PRSS12: variants seen among roughly 807,000 people sequenced by gnomAD.
The protein encoded by PRSS12 is serine protease 12, also known as neurotrypsin.
Under a neutral mutation model 104.4 loss-of-function variants are expected in PRSS12, and 85 were observed. That is an observed-to-expected ratio of 0.81 (90% CI 0.68 to 0.98). The LOEUF is 0.98. PRSS12 is among the 50% of genes least tolerant of loss of function. The pLI, the probability that PRSS12 is intolerant of heterozygous loss-of-function variation, is 0.00. For missense variants in PRSS12, 1,141 were observed against 1,139.2 expected (o/e 1.00, Z -0.02); for synonymous variants, 454 against 425.2 (o/e 1.07, Z -0.83).
At chr4:118,350,212 C>G (rs1560790200) in intron 1 of PRSS12, among the ~76,000 whole-genome samples, 3 of 152,172 alleles carry the variant, frequency 2.0e-5, no homozygotes, top group African/African-American at 7.2e-5. Flanking sequence ...AACCAAAGCT[C>G]TAAGAGTTAA....
chr4:118,333,513 A>T (rs1723978248), intron 3 of PRSS12, among the ~76,000 whole-genome samples: 2 of 152,226 alleles, frequency 1.3e-5, no homozygotes, highest in African/African-American at 4.8e-5. Flanking sequence ...TTGTTAATGG[A>T]TAAAGACAGG....
At chr4:118,301,773 C>A (rs901564801) in intron 8 of PRSS12, among the ~76,000 whole-genome samples, 1 of 152,142 alleles carries the variant, frequency 6.6e-6, no homozygotes. Context: ...ATCCCACAGG[C>A]AGACGATTGC....
chr4:118,338,302 A>T lies in PRSS12; in HGVS notation c.515T>A (p.Leu172His). Residue 172 changes from leucine (L) to histidine (H), a missense_variant, in exon 2 of 13, where the codon CTT becomes CAT. Leu to His is a moderately conservative substitution (Grantham distance 99). Transcript: ENST00000296498. ...YCDCRHGSVR[L>H]RGGKNEFEGT... ...TTCAAACTCATTTTTGCCGCCACGA[A>T]GTCGTACTGATCCTAAAGTGGAAAA... is the stretch of plus-strand genomic sequence containing the variant. 1.2e-6 allele frequency: 2 copies of T among 1,613,968 alleles called. No individual in the cohort carries two copies. Among genetic ancestry groups the T allele is most frequent in the Non-Finnish European group, 1.7e-6 (2 of 1,179,922 alleles).
chr4:118,352,904 G>C lies in PRSS12; in HGVS notation c.-184C>G. 1 of 1,395,656 alleles carries C rather than the reference G, an allele frequency of 7.2e-7. No homozygotes were observed. The highest frequency in any genetic ancestry group is 9.3e-7 in the Non-Finnish European group (1 of 1,075,834). 86.5% of individuals were successfully genotyped at this position (1,395,656 alleles called of 1,614,324 possible). ...CGCCGCTGGTGCCCTGCCGCGCCTC[G>C]GCTCCTGTCCCCTGGCGGCGGCCGC... On this transcript the variant is annotated 5_prime_UTR_variant, in exon 1 of 13. Transcript: ENST00000296498.
intron 4 of PRSS12, among the ~76,000 whole-genome samples, chr4:118,323,872 T>A (rs1256634875): frequency 6.6e-6 from 1 of 150,766 alleles, no homozygotes; most frequent in African/African-American, 2.4e-5. Context: ...TATATAAATA[T>A]GTGTGTGTGT....
At chr4:118,338,435 T>C in intron 1 of PRSS12, 121 bp from the exon 2 acceptor site, 1 of 1,246,550 alleles carries the variant, frequency 8.0e-7, no homozygotes, top group Non-Finnish European at 1.1e-6. Context: ...CAGAATGATT[T>C]AGCCTCCACT....
intron 4 of PRSS12, among the ~76,000 whole-genome samples, chr4:118,321,616 C>A (rs1723625915): frequency 6.6e-6 from 1 of 152,158 alleles, no homozygotes. Context: ...CCTCTTCTGG[C>A]ACGTTAAGGA....
At chr4:118,317,243 T>G (rs1368892674) in intron 5 of PRSS12, among the ~76,000 whole-genome samples, 1 of 152,188 alleles carries the variant, frequency 6.6e-6, no homozygotes, top group African/African-American at 2.4e-5. Flanking sequence ...ACTCAAATAA[T>G]AATTAATTTG....
Position 118,352,228 on chromosome 4 carries a change from A to G in PRSS12, c.493T>C (p.Cys165Arg). The change falls in exon 1 of 13, where the codon TGC (cysteine) becomes CGC (arginine). Residue 165 changes from cysteine to arginine, a missense_variant. Physicochemically the swap from Cys to Arg is radical, Grantham distance 180. Transcript: ENST00000296498. ...CCCCGAGGCCACTAACCGTGTCTGC[A>G]GTCGCAGTAGCCCCAGTCCACCTTG... ...RGKVDWGYCD[C>R]RHGSVRLRGG... 6.2e-7 allele frequency: 1 copy of G among 1,612,080 alleles called. No homozygotes were observed. The highest frequency in any genetic ancestry group is 8.5e-7 in the Non-Finnish European group (1 of 1,179,744).
At chr4:118,318,232 G>T in intron 5 of PRSS12, 146 bp downstream of exon 5, 1 of 789,312 alleles carries the variant, frequency 1.3e-6, no homozygotes. Flanking sequence ...TTTAATATAC[G>T]GTTTGCATTC....
chr4:118,352,610 G>A lies in PRSS12; in HGVS notation c.111C>T (p.Pro37=), dbSNP rs990973567. Residue 37 remains proline (P), a synonymous_variant, in exon 1 of 13, where the codon CCC becomes CCT. Coordinates refer to ENST00000296498, the MANE Select transcript of PRSS12 (RefSeq NM_003619.4). ...DSLHHSHRHS[P]PAGPHYPYYL... ...AATAGGGGTAGTGCGGACCCGCAGGGGGCGAATGGCGGTGGCTGTGGTGGA... is the reference window on the plus strand; with the variant it reads ...AATAGGGGTAGTGCGGACCCGCAGGAGGCGAATGGCGGTGGCTGTGGTGGA... The A allele has an allele frequency of 3.1e-6, 5 of 1,611,182 alleles. No homozygotes were observed. The highest frequency in any genetic ancestry group is 1.3e-5 in the African/African-American group (1 of 75,010).
intron 6 of PRSS12, among the ~76,000 whole-genome samples, chr4:118,315,386 C>T (rs1200902927): frequency 6.6e-6 from 1 of 152,120 alleles, no homozygotes; most frequent in Non-Finnish European, 1.5e-5. Context: ...ATATGTTTAA[C>T]ATGGCTTTGC....
At chr4:118,314,009 A>G (rs539727981) in intron 6 of PRSS12, among the ~76,000 whole-genome samples, 8 of 152,208 alleles carry the variant, frequency 5.3e-5, no homozygotes, top group Non-Finnish European at 8.8e-5. Context: ...CACTACAGAA[A>G]CAAAACCTAA....
chr4:118,342,670 G>A (rs1244953072), intron 1 of PRSS12, among the ~76,000 whole-genome samples: 1 of 152,142 alleles, frequency 6.6e-6, no homozygotes. Flanking sequence ...TGCAGTGGAG[G>A]CCCCAGAGTT....
intron 5 of PRSS12, among the ~76,000 whole-genome samples, chr4:118,317,477 T>G (rs1723475960): frequency 6.6e-6 from 1 of 152,180 alleles, no homozygotes. Flanking sequence ...TTTTACTGTC[T>G]GCAAAGCATT....
intron 9 of PRSS12, among the ~76,000 whole-genome samples, chr4:118,297,339 G>T (rs1743276409): frequency 6.6e-6 from 1 of 152,004 alleles, no homozygotes; most frequent in Non-Finnish European, 1.5e-5. Flanking sequence ...TGTTTTTTAT[G>T]TTTTTCAACT....
chr4:118,351,071 G>A (rs1035626531), intron 1 of PRSS12, among the ~76,000 whole-genome samples: 2 of 152,018 alleles, frequency 1.3e-5, no homozygotes, highest in South Asian at 2.1e-4. Context: ...TCATTCCCGA[G>A]GATAAAGGAT....
At position 118,282,050 on chromosome 4, in the gene PRSS12, C is replaced by T; in HGVS notation, c.2514G>A (p.Trp838Ter). The T allele has an allele frequency of 6.2e-7, 1 of 1,614,176 alleles. No homozygotes were observed. Residue 838 changes from tryptophan (W) to a stop codon, truncating the protein, a stop_gained, in exon 13 of 13, where the codon TGG (tryptophan) becomes TGA (stop). Transcript: ENST00000296498. LOFTEE classifies it high-confidence loss of function. ...PLMCERPGES[W>*]VVYGVTSWGY... Reference sequence around the variant, plus strand: ...CCCAGGAGGTCACCCCATACACCACCCAGCTCTCTCCGGGCCGTTCACACA... The same window carrying T: ...CCCAGGAGGTCACCCCATACACCACTCAGCTCTCTCCGGGCCGTTCACACA...
At chr4:118,341,124 T>C (rs1008029313) in intron 1 of PRSS12, among the ~76,000 whole-genome samples, 8 of 152,172 alleles carry the variant, frequency 5.3e-5, no homozygotes, top group Admixed American at 2.6e-4. Context: ...CTGGTGTCTA[T>C]GGCCCACCTT....
Sources: allele counts gnomAD v4.1 joint callset (sites outside exome capture counted in the v4.1 genomes callset), GRCh38; gene constraint gnomAD v4.1.1; transcripts MANE v1.5; gene names NCBI Gene and HGNC (gene_info 2026-07-23, HGNC 2026-07-21).